The following ACTR3 variants were observed in gnomAD, a reference collection of about 807,000 sequenced individuals.
ACTR3 encodes the protein actin related protein 3, also known as actin-related protein 3.
ACTR3 carries 12 observed loss-of-function variants against 56.8 expected under a neutral mutation model. The ratio of observed to expected loss-of-function variants is 0.21; its 90% CI spans 0.14 to 0.34. ACTR3 has a LOEUF of 0.34. ACTR3 is among the 10% of genes least tolerant of loss of function. ACTR3 has a pLI of 1.00. For missense variants in ACTR3, 282 were observed against 512.5 expected (o/e 0.55, Z 4.34); for synonymous variants, 162 against 167.4 (o/e 0.97, Z 0.25).
intron 1 of ACTR3, among the ~76,000 whole-genome samples, chr2:113,894,750 T>C (rs1474888849): frequency 2.0e-5 from 3 of 152,218 alleles, no homozygotes; most frequent in Non-Finnish European, 4.4e-5. Context: ...ACAGCTATTT[T>C]TTAACCTAAT....
Position 113,951,464 on chromosome 2 carries a change from C to CA in ACTR3, c.859-13dup. 1 of 1,543,582 alleles carries CA rather than the reference C, an allele frequency of 6.5e-7. No individual in the cohort carries two copies. The highest frequency in any genetic ancestry group is 9.0e-7 in the Non-Finnish European group (1 of 1,117,040). ...AGTGATATGATCTCTATTATATATC[C>CA]AACTTATTTTTCAGTTTGCTAATCC... is the stretch of plus-strand genomic sequence containing the variant. On this transcript the variant is annotated splice_polypyrimidine_tract_variant and intron_variant, in intron 8 of 11. Transcript: ENST00000263238.
At chr2:113,953,859 T>A (rs1680164552) in intron 10 of ACTR3, 1 of 152,228 alleles carries the variant, frequency 6.6e-6, no homozygotes, top group African/African-American at 2.4e-5. Context: ...TTCACTAATG[T>A]CCCTTATAAC....
intron 6 of ACTR3, among the ~76,000 whole-genome samples, chr2:113,937,065 A>G (rs1051672433): frequency 6.6e-6 from 1 of 152,140 alleles, no homozygotes; most frequent in African/African-American, 2.4e-5. Context: ...TTTGGTGGGG[A>G]GGAAAAACAC....
chr2:113,939,504 A>G (rs1412911657), intron 6 of ACTR3, among the ~76,000 whole-genome samples: 1 of 152,222 alleles, frequency 6.6e-6, no homozygotes, highest in Admixed American at 6.5e-5. Context: ...TCAGTTCTAC[A>G]GAATTTAGTT....
chr2:113,890,846 A>T (rs568689338), intron 1 of ACTR3: 2 of 967,166 alleles, frequency 2.1e-6, no homozygotes, highest in African/African-American at 1.8e-5. Flanking sequence ...GAAGAATCGG[A>T]CTCTGAAAAT....
chr2:113,960,705 A>G lies in ACTR3; in HGVS notation c.*3250A>G, dbSNP rs186398374. On this transcript the variant is annotated 3_prime_UTR_variant, in exon 12 of 12. Coordinates refer to ENST00000263238, the MANE Select transcript of ACTR3 (RefSeq NM_005721.5). Reference sequence around the variant, plus strand: ...AGCTCAACCTTGATTCCTGTGACCCATTCTTTCTGATCTTTCGTAGTTCAT... The same window carrying G: ...AGCTCAACCTTGATTCCTGTGACCCGTTCTTTCTGATCTTTCGTAGTTCAT... 7.0e-4 allele frequency: 107 copies of G among 151,938 alleles called. No homozygotes were observed. The highest frequency in any genetic ancestry group is 2.4e-3 in the African/African-American group (101 of 41,482). The allele number at this position is 151,938 out of a possible 1,614,324, so 9.4% of individuals were successfully genotyped here.
chr2:113,913,184 A>G lies in ACTR3; in HGVS notation c.57A>G (p.Leu19=). Residue 19 remains leucine (L), a synonymous_variant, in exon 2 of 12, where the codon CTA becomes CTG. Transcript: ENST00000263238. The part of the protein sequence containing the change: ...VVDCGTGYTK[L]GYAGNTEPQF... ...TTTTGTTTTGCAGGTATACAAAACT[A>G]GGATATGCTGGAAATACAGAACCAC... 1.9e-6 allele frequency: 3 copies of G among 1,591,574 alleles called. No homozygotes were observed. The highest frequency in any genetic ancestry group is 2.6e-6 in the Non-Finnish European group (3 of 1,168,074).
rs1574392185 is a variant in ACTR3 at position 113,962,201 on chromosome 2, G to A, written c.*4746G>A. On this transcript the variant is annotated 3_prime_UTR_variant, in exon 12 of 12. Coordinates refer to ENST00000263238, the MANE Select transcript of ACTR3 (RefSeq NM_005721.5). The stretch of plus-strand genomic sequence containing the variant: ...TAGAAGTGACATTCTGCGTAAGGTA[G>A]TGGGGGATTACTAAGTGATCATGAC... The A allele has an allele frequency of 1.3e-5, 2 of 151,988 alleles. No homozygotes were observed. The highest frequency in any genetic ancestry group is 1.5e-5 in the Non-Finnish European group (1 of 67,918). The allele number at this position is 151,988 out of a possible 1,614,324, so 9.4% of individuals were successfully genotyped here. A position where few individuals can be genotyped will look rare whatever the true frequency, so the allele number is the denominator to read the frequency against.
intron 6 of ACTR3, among the ~76,000 whole-genome samples, chr2:113,936,328 T>G (rs1485720007): frequency 1.4e-5 from 2 of 143,040 alleles, no homozygotes; most frequent in African/African-American, 2.7e-5. Flanking sequence ...AAAAAAAGGT[T>G]GGTGGGGGGG....
chr2:113,914,374 A>G (rs578179605), intron 2 of ACTR3, among the ~76,000 whole-genome samples: 66 of 152,294 alleles, frequency 4.3e-4, no homozygotes, highest in Non-Finnish European at 7.9e-4. Flanking sequence ...GCACTTTGGG[A>G]GGCCGAGGCG....
rs893784528 is a variant in ACTR3, at chr2:113,958,808, T to G, written c.*1353T>G. 8 of 151,984 alleles carry G rather than the reference T, an allele frequency of 5.3e-5. No individual in the cohort carries two copies. Among genetic ancestry groups the G allele is most frequent in the Admixed American group, 1.3e-4 (2 of 15,242 alleles). The allele number at this position is 151,984 out of a possible 1,614,324, so 9.4% of individuals were successfully genotyped here. On this transcript the variant is annotated 3_prime_UTR_variant, in exon 12 of 12. Transcript: ENST00000263238. ...TAGCAGTATCAGTGAACACTTGAAC[T>G]CCATTATTCATGAAAATAACACGTT... is the stretch of plus-strand genomic sequence containing the variant.
intron 1 of ACTR3, among the ~76,000 whole-genome samples, chr2:113,912,064 G>C (rs1679317446): frequency 6.6e-6 from 1 of 151,730 alleles, no homozygotes; most frequent in African/African-American, 2.4e-5. Flanking sequence ...TTAGTAGCGA[G>C]GGTGTTTCAC....
At chr2:113,891,654 ATTG>A (rs1310668043) in intron 1 of ACTR3, among the ~76,000 whole-genome samples, 1 of 148,032 alleles carries the variant, frequency 6.8e-6, no homozygotes, top group Non-Finnish European at 1.5e-5. Flanking sequence ...TGATTTCATT[ATTG>A]TTACTTAAAA....
At chr2:113,908,035 T>C (rs764939623) in intron 1 of ACTR3, among the ~76,000 whole-genome samples, 55 of 150,246 alleles carry the variant, frequency 3.7e-4, no homozygotes, top group Non-Finnish European at 5.8e-4. Context: ...GTCAGGATCC[T>C]GAAGAACATC....
At chr2:113,891,702 T>C (rs1159826532) in intron 1 of ACTR3, among the ~76,000 whole-genome samples, 1 of 152,148 alleles carries the variant, frequency 6.6e-6, no homozygotes, top group East Asian at 1.9e-4. Flanking sequence ...GTGAAATTTC[T>C]TTAATCTTCA....
chr2:113,927,851 G>A (rs1368867957), intron 4 of ACTR3, among the ~76,000 whole-genome samples: 2 of 152,070 alleles, frequency 1.3e-5, no homozygotes, highest in African/African-American at 4.8e-5. Context: ...TATTAAAGCA[G>A]TGCATGTTCA....
At position 113,960,791 on chromosome 2, in the gene ACTR3, A is replaced by G. The variant is rs771142546; in HGVS notation, c.*3336A>G. 6.6e-6 allele frequency: 1 copy of G among 151,930 alleles called. No homozygotes were observed. The highest frequency in any genetic ancestry group is 1.5e-5 in the Non-Finnish European group (1 of 67,916). 9.4% of individuals were successfully genotyped at this position (151,930 alleles called of 1,614,324 possible). On this transcript the variant is annotated 3_prime_UTR_variant, in exon 12 of 12. Coordinates refer to ENST00000263238, the MANE Select transcript of ACTR3 (RefSeq NM_005721.5). ...AAGTCTGTTACCACCCAGATTTCCA[A>G]CTCGGGTTAATTGGTACTAATTCTA...
At chr2:113,950,314 G>T (rs1680097690) in intron 8 of ACTR3, among the ~76,000 whole-genome samples, 1 of 152,142 alleles carries the variant, frequency 6.6e-6, no homozygotes, top group Non-Finnish European at 1.5e-5. Flanking sequence ...CAGTATGCTT[G>T]GGGGCCATTT....
At chr2:113,923,163 T>C (rs1378578589) in intron 3 of ACTR3, among the ~76,000 whole-genome samples, 1 of 152,198 alleles carries the variant, frequency 6.6e-6, no homozygotes, top group Non-Finnish European at 1.5e-5. Flanking sequence ...AATTTAGCTA[T>C]TTTTCTCTTT....
Sources: gnomAD v4.1 joint callset for allele counts (sites outside exome capture counted in the v4.1 genomes callset) on GRCh38, gnomAD v4.1.1 for gene constraint, MANE v1.5 for transcripts, NCBI Gene and HGNC (gene_info 2026-07-23, HGNC 2026-07-21) for gene names.